The following RPS24 variants were observed in gnomAD, a reference collection of about 807,000 sequenced individuals.
The protein encoded by RPS24 is ribosomal protein S24, also known as small ribosomal subunit protein eS24.
For synonymous variants in RPS24, 72 were observed against 55.6 expected (o/e 1.30, Z -1.31); for missense variants, 100 against 162.5 (o/e 0.62, Z 2.09).
At chr10:78,042,259 CCCT>C (rs558221153), downstream of RPS24, among the ~76,000 whole-genome samples, 8 of 152,302 alleles carry the variant, frequency 5.3e-5, no homozygotes, top group East Asian at 1.2e-3. Context: ...CCAGCTAACA[CCCT>C]CCTCTACCTG....
chr10:78,046,446 C>G (rs1273722749), intron 4 of RPS24, among the ~76,000 whole-genome samples: 1 of 149,880 alleles, frequency 6.7e-6, no homozygotes, highest in Non-Finnish European at 1.5e-5. Context: ...GCAACCTCCA[C>G]CTTCTGGGTT....
chr10:78,047,013 T>G (rs1589334200), intron 4 of RPS24, among the ~76,000 whole-genome samples: 1 of 150,890 alleles, frequency 6.6e-6, no homozygotes, highest in African/African-American at 2.4e-5. Flanking sequence ...CAGGCTGGAG[T>G]GCAGTGGCGT....
chr10:78,049,651 G>A (rs576883520), intron 4 of RPS24, among the ~76,000 whole-genome samples: 2 of 152,312 alleles, frequency 1.3e-5, no homozygotes, highest in East Asian at 1.9e-4. Context: ...GCAATGAAGC[G>A]CTTAGCATGT....
intron 4 of RPS24, chr10:78,039,944 C>A: frequency 1.8e-6 from 1 of 553,740 alleles, no homozygotes; most frequent in African/African-American, 1.9e-5. Context: ...GCTTAATGAT[C>A]TCTTCATTGT....
At chr10:78,044,094 A>G (rs1483788450), downstream of RPS24, among the ~76,000 whole-genome samples, 1 of 142,990 alleles carries the variant, frequency 7.0e-6, no homozygotes, top group Non-Finnish European at 1.5e-5. Context: ...ATGAACTTTA[A>G]TTATGTATAT....
At chr10:78,036,141 T>G (rs1023957907) in intron 3 of RPS24, 2 of 244,564 alleles carry the variant, frequency 8.2e-6, no homozygotes, top group African/African-American at 4.5e-5. Flanking sequence ...ACAGCAGTGA[T>G]CTGGGCAAGC....
Position 78,040,226 on chromosome 10 carries a change from G to A in RPS24, c.*19+1G>A, listed in dbSNP as rs200803982. ...CAGTGAGCTGGAGATTGGATCACAG[G>A]TATAATTCAAGCTTTTCATGTAGTC... On this transcript the variant is annotated splice_donor_variant, in intron 5 of 5. Transcript: ENST00000372360. LOFTEE classifies it low-confidence loss of function (3UTR_SPLICE). 1 of 1,613,322 alleles carries A rather than the reference G, an allele frequency of 6.2e-7. No homozygotes were observed. Among genetic ancestry groups the A allele is most frequent in the Non-Finnish European group, 8.5e-7 (1 of 1,179,344 alleles).
At chr10:78,037,943 T>C (rs1847911380) in intron 4 of RPS24, 2 of 1,203,812 alleles carry the variant, frequency 1.7e-6, no homozygotes, top group Non-Finnish European at 2.2e-6. Flanking sequence ...CTCTCTACTT[T>C]CTTGGATTTC....
downstream of RPS24, among the ~76,000 whole-genome samples, chr10:78,044,478 C>T (rs1349022162): frequency 6.6e-6 from 1 of 152,108 alleles, no homozygotes; most frequent in Admixed American, 6.6e-5. Flanking sequence ...GGAGATACTC[C>T]ATTTCAAAAA....
At chr10:78,034,753 C>G (rs1847823950) in intron 1 of RPS24, among the ~76,000 whole-genome samples, 1 of 152,204 alleles carries the variant, frequency 6.6e-6, no homozygotes, top group Non-Finnish European at 1.5e-5. Flanking sequence ...TATGGCCATT[C>G]TAGAAGGATA....
At chr10:78,041,208 G>C (rs909435954), downstream of RPS24, among the ~76,000 whole-genome samples, 3 of 152,180 alleles carry the variant, frequency 2.0e-5, no homozygotes, top group African/African-American at 4.8e-5. Context: ...ACTTGGTTGG[G>C]CATGAAGGGG....
intron 4 of RPS24, among the ~76,000 whole-genome samples, chr10:78,053,964 G>C (rs75761501): frequency 6.6e-6 from 1 of 152,136 alleles, no homozygotes; most frequent in African/African-American, 2.4e-5. Flanking sequence ...GGGGAAGGGG[G>C]ATTTGAGCTG....
intron 4 of RPS24, among the ~76,000 whole-genome samples, chr10:78,049,821 A>G (rs1191655101): frequency 6.6e-6 from 1 of 152,154 alleles, no homozygotes; most frequent in Non-Finnish European, 1.5e-5. Context: ...CTCCTCTTCC[A>G]TCGGCTGGGA....
downstream of RPS24, chr10:78,040,766 G>T (rs139402381): frequency 1.9e-5 from 22 of 1,138,178 alleles, no homozygotes; most frequent in South Asian, 1.2e-4. Flanking sequence ...GCTGATTTCA[G>T]TTGCTGTCCA....
chr10:78,040,671 A>G lies in RPS24; in HGVS notation c.*76A>G. The G allele has an allele frequency of 6.2e-7, 1 of 1,614,072 alleles. No homozygotes were observed. The highest frequency in any genetic ancestry group is 1.1e-5 in the South Asian group (1 of 91,074). On this transcript the variant is annotated 3_prime_UTR_variant, in exon 6 of 6. Transcript: ENST00000372360. The stretch of plus-strand genomic sequence containing the variant: ...GCTGTGGCCACTGTGGATTTTTCGC[A>G]AGAACATTAATAAACTAAAAACTTC...
At chr10:78,046,841 G>A (rs894052029) in intron 4 of RPS24, among the ~76,000 whole-genome samples, 4 of 152,226 alleles carry the variant, frequency 2.6e-5, no homozygotes, top group Non-Finnish European at 5.9e-5. Context: ...ATGGGTGGAG[G>A]TGATTAGCTG....
intron 1 of RPS24, 72 bp downstream of exon 1, chr10:78,033,976 T>C: frequency 6.3e-7 from 1 of 1,586,872 alleles, no homozygotes; most frequent in Non-Finnish European, 8.7e-7. Context: ...GTCCCAGTAC[T>C]TGAGCTATAG....
chr10:78,046,531 G>C (rs1417037666), intron 4 of RPS24, among the ~76,000 whole-genome samples: 6 of 151,412 alleles, frequency 4.0e-5, no homozygotes, highest in African/African-American at 1.5e-4. Context: ...GCTAATTTTT[G>C]TATAGTAGAG....
At chr10:78,054,565 G>C (rs963896818) in exon 5 of RPS24, 8 of 1,547,260 alleles carry the variant, frequency 5.2e-6, no homozygotes, top group Non-Finnish European at 7.0e-6. Flanking sequence ...CAAGCATTGG[G>C]AAGAATTTCC....
Sources: allele counts gnomAD v4.1 joint callset (sites outside exome capture counted in the v4.1 genomes callset), GRCh38; gene constraint gnomAD v4.1.1; transcripts MANE v1.5; gene names NCBI Gene and HGNC (gene_info 2026-07-23, HGNC 2026-07-21).